Variants in DLG2 observed in about 807,000 individuals in gnomAD.
DLG2 encodes disks large homolog 2.
DLG2 carries 45 observed loss-of-function variants against 132.5 expected under a neutral mutation model. The observed-to-expected ratio is 0.34, with a 90% CI of 0.27 to 0.44. DLG2 has a LOEUF of 0.44. DLG2 is among the 20% of genes least tolerant of loss of function. The probability of loss-of-function intolerance (pLI) is 1.00; values close to 1 mark genes in which losing one functional copy is unlikely to be tolerated. For synonymous variants in DLG2, 424 were observed against 419.6 expected, an observed-to-expected ratio of 1.01 and a Z score of -0.13; for missense variants, 1,045 against 1,196.9, an observed-to-expected ratio of 0.87 and a Z score of 1.87.
chr11:84,161,424 T>G (rs1479015409), intron 9 of DLG2, among the ~76,000 whole-genome samples: 2 of 152,114 alleles, frequency 1.3e-5, no homozygotes, highest in African/African-American at 4.8e-5. Context: ...ACAAAGATAT[T>G]GCTTGACATA....
chr11:83,879,378 A>G (rs2065574117), intron 15 of DLG2, among the ~76,000 whole-genome samples: 1 of 152,120 alleles, frequency 6.6e-6, no homozygotes, highest in Non-Finnish European at 1.5e-5. Flanking sequence ...TGGATATTCA[A>G]TATTGCCTAT....
intron 6 of DLG2, among the ~76,000 whole-genome samples, chr11:84,763,720 G>A (rs2067984312): frequency 6.6e-6 from 1 of 152,110 alleles, no homozygotes; most frequent in Admixed American, 6.6e-5. Context: ...TGAGTGCCAG[G>A]TATACAGTAG....
At chr11:84,028,131 T>C (rs1015068702) in intron 11 of DLG2, among the ~76,000 whole-genome samples, 1 of 151,934 alleles carries the variant, frequency 6.6e-6, no homozygotes, top group Non-Finnish European at 1.5e-5. Flanking sequence ...TGTAAAACTA[T>C]GCTTTTACAA....
intron 11 of DLG2, among the ~76,000 whole-genome samples, chr11:83,985,695 T>C (rs1333524117): frequency 6.6e-6 from 1 of 152,150 alleles, no homozygotes; most frequent in South Asian, 2.1e-4. Context: ...TCTCATTCCT[T>C]TTTATGGCTA....
At chr11:85,583,491 A>C (rs2078759296) in intron 3 of DLG2, among the ~76,000 whole-genome samples, 1 of 151,838 alleles carries the variant, frequency 6.6e-6, no homozygotes, top group South Asian at 2.1e-4. Flanking sequence ...CTGGACTGAA[A>C]TATATTCTAT....
Position 84,225,486 on chromosome 11 carries a change from AC to A in DLG2, c.573+25751del, listed in dbSNP as rs554172711. Among the ~76,000 whole-genome samples, 6 of 152,294 alleles carry A rather than the reference AC, an allele frequency of 3.9e-5. No homozygotes were observed. In the South Asian group the frequency reaches 1.2e-3, roughly 32 times the overall value. On this transcript the variant is annotated intron_variant, in intron 8 of 27. Transcript: ENST00000376104. ...TCACGATTTTTAATTGTCCTGAATG[AC>A]CTGCTCGATGGTGCTCACAATATTC...
At chr11:83,598,485 G>T (rs576901131) in intron 19 of DLG2, among the ~76,000 whole-genome samples, 5 of 152,320 alleles carry the variant, frequency 3.3e-5, no homozygotes, top group Admixed American at 3.3e-4. Context: ...AGTCAAAATG[G>T]TTCTAATACT....
At chr11:84,525,127 C>T (rs2099316362) in intron 7 of DLG2, among the ~76,000 whole-genome samples, 1 of 152,074 alleles carries the variant, frequency 6.6e-6, no homozygotes, top group Non-Finnish European at 1.5e-5. Flanking sequence ...GTGTTTCAGT[C>T]CTCTGTGTTC....
intron 3 of DLG2, among the ~76,000 whole-genome samples, chr11:85,392,615 A>C (rs573564664): frequency 1.3e-5 from 2 of 152,180 alleles, no homozygotes; most frequent in Non-Finnish European, 2.9e-5. Context: ...ATTGGTATAA[A>C]AACAGGCATA....
rs545963959 is a variant in DLG2 at position 84,075,826 on chromosome 11, T to C, written c.750-16342A>G. On this transcript the variant is annotated intron_variant, in intron 10 of 27. Coordinates refer to ENST00000376104, the MANE Select transcript of DLG2 (RefSeq NM_001142699.3). ...GAAATAAATTCAAATTAATTTGTGA[T>C]GAAAAACTCATGACACATTTTGAGA... 2.0e-5 allele frequency among the ~76,000 whole-genome samples: 3 copies of C among 152,362 alleles called. No homozygotes were observed. In the East Asian group the frequency reaches 5.8e-4, roughly 29 times the overall value.
intron 6 of DLG2, among the ~76,000 whole-genome samples, chr11:84,673,348 T>C (rs193034797): frequency 2.0e-5 from 3 of 152,144 alleles, no homozygotes; most frequent in South Asian, 4.1e-4. Flanking sequence ...TTTAGAGCGG[T>C]AGCATGGTGT....
intron 10 of DLG2, among the ~76,000 whole-genome samples, chr11:84,074,380 A>G (rs2096795767): frequency 2.6e-5 from 4 of 152,120 alleles, no homozygotes; most frequent in African/African-American, 7.2e-5. Flanking sequence ...TAGCTACAAT[A>G]TCTATCCCAG....
At chr11:83,942,540 T>C (rs1451174663) in intron 14 of DLG2, among the ~76,000 whole-genome samples, 1 of 152,144 alleles carries the variant, frequency 6.6e-6, no homozygotes, top group Non-Finnish European at 1.5e-5. Context: ...CTAAATGACA[T>C]TAAGAATTAT....
intron 17 of DLG2, among the ~76,000 whole-genome samples, chr11:83,792,076 T>C (rs1046495536): frequency 2.0e-5 from 3 of 152,212 alleles, no homozygotes; most frequent in Admixed American, 1.3e-4. Flanking sequence ...TCAGCTCATA[T>C]CATTCTACCT....
rs1363287099 is a variant in DLG2 at position 83,927,445 on chromosome 11, G to C, written c.1496+2883C>G. On this transcript the variant is annotated intron_variant, in intron 15 of 27. Transcript: ENST00000376104. ...TTTAAGCTTGGATCTAAGATGACCAGAAATTAATCAGGCAAAGTGTAAAAA... is the reference window on the plus strand; with the variant it reads ...TTTAAGCTTGGATCTAAGATGACCACAAATTAATCAGGCAAAGTGTAAAAA... Among the ~76,000 whole-genome samples the C allele has an allele frequency of 3.9e-5, 6 of 152,220 alleles. No individual in the cohort carries two copies. The East Asian group carries it at 1.2e-3, about 29-fold the overall frequency.
intron 6 of DLG2, among the ~76,000 whole-genome samples, chr11:84,817,094 G>A (rs1019101468): frequency 6.6e-6 from 1 of 152,014 alleles, no homozygotes; most frequent in African/African-American, 2.4e-5. Flanking sequence ...GCAAACATGA[G>A]TTTCGCTTAA....
intron 7 of DLG2, among the ~76,000 whole-genome samples, chr11:84,502,366 CTTTCTTTCTTTCTTTCTTTCTTTCTTTCT>C (rs2099220371): frequency 3.9e-5 from 3 of 76,374 alleles, no homozygotes; most frequent in Non-Finnish European, 7.1e-5. Context: ...TTCTTTCTTT[CTTTCTTTCTTTCTTTCTTTCTTTCTTTCT>C]TTCTTTCTTT....
At chr11:85,241,734 G>A (rs956991245) in intron 4 of DLG2, among the ~76,000 whole-genome samples, 1 of 151,958 alleles carries the variant, frequency 6.6e-6, no homozygotes, top group Non-Finnish European at 1.5e-5. Context: ...GAATTAGAGA[G>A]AGATCTGGGA....
At chr11:85,290,330 A>G (rs2078814482) in intron 3 of DLG2, among the ~76,000 whole-genome samples, 1 of 152,150 alleles carries the variant, frequency 6.6e-6, no homozygotes, top group African/African-American at 2.4e-5. Context: ...AAGTGTTTAC[A>G]AACTCTAATG....
Sources: allele counts gnomAD v4.1 joint callset (sites outside exome capture counted in the v4.1 genomes callset), GRCh38; gene constraint gnomAD v4.1.1; transcripts MANE v1.5; gene names NCBI Gene and HGNC (gene_info 2026-07-23, HGNC 2026-07-21).